Variants in CHODL observed in about 807,000 individuals in gnomAD.
CHODL encodes transmembrane protein MT75.
Under a neutral mutation model 34.5 loss-of-function variants are expected in CHODL, and 29 were observed. The observed-to-expected ratio is 0.84, with a 90% CI of 0.63 to 1.15. The LOEUF (loss-of-function observed/expected upper bound fraction) is 1.15, where lower values mean the gene tolerates loss of function less well. Among genes scored for constraint, CHODL ranks in the 50% most tolerant of loss-of-function variants. The pLI is 0.00. For synonymous variants in CHODL, 125 were observed against 116.1 expected, an observed-to-expected ratio of 1.08 and a Z score of -0.49; for missense variants, 332 against 332.5, an observed-to-expected ratio of 1.00 and a Z score of 0.01.
intron 2 of CHODL, among the ~76,000 whole-genome samples, chr21:18,102,059 G>T (rs1601005583): frequency 1.3e-5 from 2 of 152,278 alleles, no homozygotes; most frequent in East Asian, 3.9e-4. Flanking sequence ...TTGCCAGGAT[G>T]AAGATATTTG....
At chr21:17,970,127 G>A (rs2063602714) in intron 1 of CHODL, among the ~76,000 whole-genome samples, 1 of 152,112 alleles carries the variant, frequency 6.6e-6, no homozygotes, top group Non-Finnish European at 1.5e-5. Flanking sequence ...AGTTGAATAA[G>A]TGCATCTATT....
intron 2 of CHODL, among the ~76,000 whole-genome samples, chr21:18,145,958 G>GT (rs112224814): frequency 0.047 from 7,048 of 151,538 alleles, 488 homozygotes; most frequent in African/African-American, 0.16. Flanking sequence ...TTTTGGTTTT[G>GT]TTTTTTGTTG....
intron 2 of CHODL, among the ~76,000 whole-genome samples, chr21:18,210,643 G>A (rs2073762887): frequency 6.6e-6 from 1 of 152,102 alleles, no homozygotes; most frequent in Non-Finnish European, 1.5e-5. Context: ...TCCATTTATT[G>A]TACATAAAAA....
rs889051269 is a variant in CHODL at position 18,266,852 on chromosome 21, A to G, written c.*814A>G. The stretch of plus-strand genomic sequence containing the variant: ...CTAATGCAGTCAATTTGAACAAAAG[A>G]AGTGACATACACAATATAAATCATA... On this transcript the variant is annotated 3_prime_UTR_variant, in exon 6 of 6. Coordinates refer to ENST00000299295, the MANE Select transcript of CHODL (RefSeq NM_024944.3). 6.6e-6 allele frequency: 1 copy of G among 152,652 alleles called. No homozygotes were observed. The highest frequency in any genetic ancestry group is 1.5e-5 in the Non-Finnish European group (1 of 68,066). 9.5% of individuals were successfully genotyped at this position (152,652 alleles called of 1,614,324 possible). A position where few individuals can be genotyped will look rare whatever the true frequency, so the allele number is the denominator to read the frequency against.
intron 2 of CHODL, among the ~76,000 whole-genome samples, chr21:18,102,129 A>T (rs192330279): frequency 3.8e-4 from 58 of 152,282 alleles, no homozygotes; most frequent in African/African-American, 1.3e-3. Flanking sequence ...ATAGCTGCCC[A>T]CATCATCCTA....
chr21:17,934,159 A>G (rs2146323303), intron 1 of CHODL, among the ~76,000 whole-genome samples: 1 of 152,238 alleles, frequency 6.6e-6, no homozygotes, highest in South Asian at 2.1e-4. Context: ...TGGGTACATC[A>G]GAAGCCCAAA....
At chr21:17,996,336 C>G (rs2146394215) in intron 1 of CHODL, among the ~76,000 whole-genome samples, 1 of 152,266 alleles carries the variant, frequency 6.6e-6, no homozygotes, top group South Asian at 2.1e-4. Flanking sequence ...TAATGTTTCT[C>G]CTTCAGAAAT....
intron 2 of CHODL, among the ~76,000 whole-genome samples, chr21:18,184,588 T>C (rs891319639): frequency 2.0e-5 from 3 of 152,210 alleles, no homozygotes; most frequent in Non-Finnish European, 4.4e-5. Context: ...GTATTCTAAG[T>C]TGAAAGAAGT....
Position 17,928,718 on chromosome 21 carries a change from G to A in CHODL, c.-145+11318G>A, listed in dbSNP as rs952690644. 5.3e-5 allele frequency among the ~76,000 whole-genome samples: 8 copies of A among 152,194 alleles called. 1 individual carries two copies. In the South Asian group the frequency reaches 1.7e-3, roughly 32 times the overall value. ...GATAATTAACCTCCTTACTTCCCCTGCTGTGGAAACCAAGTCTGTAGAATA... is the reference window on the plus strand; with the variant it reads ...GATAATTAACCTCCTTACTTCCCCTACTGTGGAAACCAAGTCTGTAGAATA... On this transcript the variant is annotated intron_variant, in intron 1 of 6. Transcript: ENST00000400127.
At chr21:18,016,001 A>G (rs1474547284) in intron 1 of CHODL, among the ~76,000 whole-genome samples, 1 of 152,238 alleles carries the variant, frequency 6.6e-6, no homozygotes, top group Non-Finnish European at 1.5e-5. Context: ...AGAAGTTTGG[A>G]AAATTTGCAG....
At position 18,256,511 on chromosome 21, in the gene CHODL, C is replaced by A; in HGVS notation, c.82C>A (p.Gln28Lys). 6.3e-7 allele frequency: 1 copy of A among 1,590,588 alleles called. No homozygotes were observed. Among genetic ancestry groups the A allele is most frequent in the Non-Finnish European group, 8.6e-7 (1 of 1,169,412 alleles). ...GAFCRRVVSGQKVCFADFKHP... is the reference protein window; with the variant it reads ...GAFCRRVVSGKKVCFADFKHP... ...GGGCATCTTTTTTTTTTTTTCAGGC[C>A]AAAAGGTGTGTTTTGCTGACTTCAA... The change falls in exon 2 of 6, where the codon CAA (glutamine) becomes AAA (lysine). Residue 28 changes from glutamine to lysine, a missense_variant and splice_region_variant. Transcript: ENST00000299295.
chr21:17,931,510 C>T lies in CHODL; in HGVS notation c.-145+14110C>T, dbSNP rs116196142. Among the ~76,000 whole-genome samples, 1,154 of 152,274 alleles carry T rather than the reference C, an allele frequency of 7.6e-3. 19 individuals carry two copies. Among genetic ancestry groups the T allele is most frequent in the African/African-American group, 0.026 (1,073 of 41,564 alleles). On this transcript the variant is annotated intron_variant, in intron 1 of 6. Transcript: ENST00000400127. The stretch of plus-strand genomic sequence containing the variant: ...CCATGAAGAAGCAGTGTTGAGACAT[C>T]CCCAAAGGATCGTACTAGCTTGCTA...
At chr21:18,022,819 A>T (rs1225570002) in intron 1 of CHODL, among the ~76,000 whole-genome samples, 1 of 152,224 alleles carries the variant, frequency 6.6e-6, no homozygotes, top group African/African-American at 2.4e-5. Context: ...TCTAAACTCC[A>T]ATGAGCATTA....
chr21:18,120,328 G>A (rs1020720111), intron 2 of CHODL, among the ~76,000 whole-genome samples: 1 of 152,110 alleles, frequency 6.6e-6, no homozygotes, highest in African/African-American at 2.4e-5. Context: ...AGCAGACCTC[G>A]AGTTGAACTG....
At chr21:18,251,814 GAAAT>G (rs1484807768) in intron 1 of CHODL, among the ~76,000 whole-genome samples, 1 of 142,902 alleles carries the variant, frequency 7.0e-6, no homozygotes, top group Non-Finnish European at 1.5e-5. Context: ...TTATATAAAA[GAAAT>G]ATTCTATAAA....
rs145050828 is a variant in CHODL at position 17,917,852 on chromosome 21, C to T, written c.-145+452C>T. 8.0e-3 allele frequency among the ~76,000 whole-genome samples: 1,208 copies of T among 151,156 alleles called. 18 individuals are homozygous for T. The highest frequency in any genetic ancestry group is 0.027 in the African/African-American group (1,120 of 41,406). ...TTTGTTAACAGTGTAAAAATGAAGTCTTCTGTTGTCTCTCTCTGATATGCG... is the reference window on the plus strand; with the variant it reads ...TTTGTTAACAGTGTAAAAATGAAGTTTTCTGTTGTCTCTCTCTGATATGCG... On this transcript the variant is annotated intron_variant, in intron 1 of 6. Coordinates refer to the CHODL transcript ENST00000400127.
chr21:18,006,562 C>A (rs1185529062), intron 1 of CHODL, among the ~76,000 whole-genome samples: 2 of 152,144 alleles, frequency 1.3e-5, no homozygotes, highest in African/African-American at 4.8e-5. Context: ...TATTTAGATT[C>A]CTTACAGGGA....
At chr21:17,939,904 C>T (rs545919764) in intron 1 of CHODL, among the ~76,000 whole-genome samples, 2 of 152,146 alleles carry the variant, frequency 1.3e-5, no homozygotes, top group South Asian at 4.2e-4. Flanking sequence ...TTCATGAATC[C>T]AAGTGAAAAA....
chr21:18,071,259 G>GCCAAAGCCT (rs1281776354), intron 2 of CHODL, among the ~76,000 whole-genome samples: 11 of 148,032 alleles, frequency 7.4e-5, no homozygotes, highest in African/African-American at 2.7e-4. Flanking sequence ...TGATTCTCCC[G>GCCAAAGCCT]CCACAGCCTC....
Sources: gnomAD v4.1 joint callset for allele counts (sites outside exome capture counted in the v4.1 genomes callset) on GRCh38, gnomAD v4.1.1 for gene constraint, MANE v1.5 for transcripts, NCBI Gene and HGNC (gene_info 2026-07-23, HGNC 2026-07-21) for gene names.